The following CCDC85A variants were observed in gnomAD, a reference collection of about 807,000 sequenced individuals.
The protein encoded by CCDC85A is coiled-coil domain containing 85A.
Under a neutral mutation model 50.2 loss-of-function variants are expected in CCDC85A, and 38 were observed. The observed-to-expected ratio is 0.76, with a 90% CI of 0.58 to 0.99. The LOEUF (loss-of-function observed/expected upper bound fraction) is 0.99. CCDC85A is among the 50% of genes least tolerant of loss of function. CCDC85A has a pLI of 0.00. For synonymous variants in CCDC85A, 366 were observed against 301.4 expected, an observed-to-expected ratio of 1.21 and a Z score of -2.22; for missense variants, 820 against 742.0, an observed-to-expected ratio of 1.11 and a Z score of -1.22.
intron 2 of CCDC85A, among the ~76,000 whole-genome samples, chr2:56,276,938 T>C (rs1017149368): frequency 1.3e-5 from 2 of 152,270 alleles, no homozygotes; most frequent in Admixed American, 6.5e-5. Flanking sequence ...TAGCCAGTGC[T>C]AACTAAGGAC....
chr2:56,236,539 A>C (rs1280214692), intron 2 of CCDC85A, among the ~76,000 whole-genome samples: 3 of 152,210 alleles, frequency 2.0e-5, no homozygotes, highest in African/African-American at 7.2e-5. Flanking sequence ...TGAAGGGTAG[A>C]GGAGGCGTGA....
intron 2 of CCDC85A, among the ~76,000 whole-genome samples, chr2:56,227,727 T>C (rs766146754): frequency 1.8e-3 from 277 of 152,246 alleles, no homozygotes; most frequent in Non-Finnish European, 3.3e-3. Context: ...CCATTTTTTT[T>C]TTTGGTGTAT....
intron 2 of CCDC85A, among the ~76,000 whole-genome samples, chr2:56,197,654 A>G (rs1171465729): frequency 2.0e-5 from 3 of 152,102 alleles, no homozygotes; most frequent in African/African-American, 7.2e-5. Flanking sequence ...TGAAGGTTTC[A>G]AACACTCAGG....
intron 2 of CCDC85A, among the ~76,000 whole-genome samples, chr2:56,215,632 CTA>C (rs1402034749): frequency 7.8e-6 from 1 of 127,468 alleles, no homozygotes; most frequent in Non-Finnish European, 1.7e-5. Context: ...AATGCTTTTT[CTA>C]TGTCAGTTGA....
At chr2:56,269,081 C>A (rs1299646311) in intron 2 of CCDC85A, among the ~76,000 whole-genome samples, 1 of 152,120 alleles carries the variant, frequency 6.6e-6, no homozygotes, top group Non-Finnish European at 1.5e-5. Flanking sequence ...CTTACCTCAT[C>A]CCTTCTTGGT....
chr2:56,268,605 AAAAAG>A lies in CCDC85A; in HGVS notation c.1241-74256_1241-74252del, dbSNP rs568380146. 2.7e-3 allele frequency among the ~76,000 whole-genome samples: 406 copies of A among 151,194 alleles called. 2 individuals carry two copies. The highest frequency in any genetic ancestry group is 8.4e-3 in the African/African-American group (347 of 41,316). Reference sequence around the variant, plus strand: ...GCAAGATTCCGTCTCAAAAAAAAAAAAAAAGAAAAGAAAAGAAAAGAAGAAAAAAA... The same window carrying A: ...GCAAGATTCCGTCTCAAAAAAAAAAAAAAAGAAAAGAAAAGAAGAAAAAAA... On this transcript the variant is annotated intron_variant, in intron 2 of 5. Transcript: ENST00000407595.
intron 2 of CCDC85A, among the ~76,000 whole-genome samples, chr2:56,243,227 CCT>C (rs752516297): frequency 5.5e-4 from 83 of 152,158 alleles, no homozygotes; most frequent in Admixed American, 3.8e-3. Flanking sequence ...ACTTTCTACC[CCT>C]GTTTCTTTCT....
At chr2:56,183,927 C>T (rs1277023703), upstream of CCDC85A, 7 of 985,412 alleles carry the variant, frequency 7.1e-6, no homozygotes, top group African/African-American at 1.2e-4. Context: ...GCGGGAGCTG[C>T]TGCGGGTTAC....
intron 2 of CCDC85A, 145 bp from the exon 3 acceptor site, chr2:56,342,734 T>G: frequency 1.9e-6 from 1 of 521,316 alleles, no homozygotes; most frequent in Non-Finnish European, 3.4e-6. Context: ...TGTTCTTATT[T>G]TTCTGGGAGA....
intron 2 of CCDC85A, among the ~76,000 whole-genome samples, chr2:56,305,546 T>C (rs1432871918): frequency 1.3e-5 from 2 of 152,234 alleles, no homozygotes; most frequent in Non-Finnish European, 2.9e-5. Context: ...GCCAGAGTTA[T>C]TCAGAAGGCA....
intron 5 of CCDC85A, among the ~76,000 whole-genome samples, chr2:56,380,794 T>C (rs1676550174): frequency 6.6e-6 from 1 of 152,168 alleles, no homozygotes; most frequent in Non-Finnish European, 1.5e-5. Context: ...TGTGAGGCTT[T>C]AAATAGCTAA....
At chr2:56,289,951 G>A (rs111246817) in intron 2 of CCDC85A, among the ~76,000 whole-genome samples, 1 of 151,944 alleles carries the variant, frequency 6.6e-6, no homozygotes, top group Non-Finnish European at 1.5e-5. Flanking sequence ...CTTGTCTCTG[G>A]TACTAGGCTA....
intron 2 of CCDC85A, among the ~76,000 whole-genome samples, chr2:56,255,516 C>T (rs374637380): frequency 1.4e-4 from 22 of 152,188 alleles, no homozygotes; most frequent in African/African-American, 5.3e-4. Context: ...AAAAAAGAGT[C>T]ATCAGAGGAG....
chr2:56,240,074 A>G (rs1473813872), intron 2 of CCDC85A, among the ~76,000 whole-genome samples: 1 of 152,160 alleles, frequency 6.6e-6, no homozygotes, highest in African/African-American at 2.4e-5. Flanking sequence ...GGTTTTAAGT[A>G]TATTCACAGA....
intron 2 of CCDC85A, among the ~76,000 whole-genome samples, chr2:56,297,284 TG>T (rs1397189113): frequency 1.3e-5 from 2 of 152,122 alleles, no homozygotes; most frequent in African/African-American, 4.8e-5. Context: ...GTGGATGAGT[TG>T]GGGAAACTTA....
At chr2:56,232,101 T>G (rs936404202) in intron 2 of CCDC85A, among the ~76,000 whole-genome samples, 3 of 152,086 alleles carry the variant, frequency 2.0e-5, no homozygotes, top group Non-Finnish European at 2.9e-5. Flanking sequence ...CATAATTTCT[T>G]CTGGTCCCAT....
intron 2 of CCDC85A, among the ~76,000 whole-genome samples, chr2:56,337,720 C>T (rs1674144339): frequency 6.6e-6 from 1 of 151,742 alleles, no homozygotes; most frequent in Non-Finnish European, 1.5e-5. Flanking sequence ...TTCAAATTAC[C>T]TTATTGTTTT....
chr2:56,204,792 C>A (rs188055981), intron 2 of CCDC85A, among the ~76,000 whole-genome samples: 34 of 152,334 alleles, frequency 2.2e-4, no homozygotes, highest in African/African-American at 8.2e-4. Flanking sequence ...CTTCTCTCTG[C>A]ACTCCTGTGC....
intron 2 of CCDC85A, among the ~76,000 whole-genome samples, chr2:56,203,076 AT>A (rs1280603806): frequency 6.6e-6 from 1 of 152,184 alleles, no homozygotes; most frequent in East Asian, 1.9e-4. Flanking sequence ...TGTGTTGTTA[AT>A]GGTCTTATGT....
Sources: allele counts gnomAD v4.1 joint callset (sites outside exome capture counted in the v4.1 genomes callset), GRCh38; gene constraint gnomAD v4.1.1; transcripts MANE v1.5; gene names NCBI Gene and HGNC (gene_info 2026-07-23, HGNC 2026-07-21).